TMEM238L: variants seen among roughly 807,000 people sequenced by gnomAD.
TMEM238L encodes transmembrane protein 238-like.
At chr17:10,796,856 G>A (rs1904563874) in intron 1 of TMEM238L, among the ~76,000 whole-genome samples, 1 of 152,180 alleles carries the variant, frequency 6.6e-6, no homozygotes, top group Non-Finnish European at 1.5e-5. Flanking sequence ...GGAAACATAC[G>A]TGACTAGGCC....
intron 1 of TMEM238L, among the ~76,000 whole-genome samples, chr17:10,802,240 C>A (rs749419097): frequency 2.7e-4 from 41 of 152,322 alleles, no homozygotes; most frequent in Admixed American, 1.0e-3. Context: ...CAAGGTACTT[C>A]ACATTTGGAC....
chr17:10,796,557 G>A (rs1904552796), intron 1 of TMEM238L, among the ~76,000 whole-genome samples: 1 of 152,128 alleles, frequency 6.6e-6, no homozygotes, highest in South Asian at 2.1e-4. Context: ...TCAGCCACCC[G>A]ATAAGTAGCA....
chr17:10,797,068 G>A (rs1200017882), intron 1 of TMEM238L, among the ~76,000 whole-genome samples: 1 of 152,106 alleles, frequency 6.6e-6, no homozygotes, highest in African/African-American at 2.4e-5. Context: ...TGGCCCATAG[G>A]TTGTAGTTGC....
intron 1 of TMEM238L, among the ~76,000 whole-genome samples, chr17:10,801,012 C>A (rs1348853644): frequency 2.6e-5 from 4 of 152,012 alleles, no homozygotes; most frequent in Admixed American, 2.0e-4. Flanking sequence ...ATGTTAAGCC[C>A]CTGCCTCTGC....
intron 1 of TMEM238L, among the ~76,000 whole-genome samples, chr17:10,799,142 T>C (rs1904652873): frequency 6.6e-6 from 1 of 152,200 alleles, no homozygotes; most frequent in African/African-American, 2.4e-5. Context: ...TGACCGAGCA[T>C]GGGACCTCCT....
chr17:10,801,060 T>G (rs1904727712), intron 1 of TMEM238L, among the ~76,000 whole-genome samples: 1 of 151,998 alleles, frequency 6.6e-6, no homozygotes. Flanking sequence ...ACTGTTTTTT[T>G]TTTTTTTTGA....
exon 1 of TMEM238L, chr17:10,803,641 A>G (rs1357816878): frequency 5.0e-6 from 2 of 397,918 alleles, no homozygotes; most frequent in Non-Finnish European, 8.8e-6. Context: ...GGAAGCTGCA[A>G]CGTGTTGCTG....
intron 1 of TMEM238L, among the ~76,000 whole-genome samples, chr17:10,801,053 GT>G (rs34698731): frequency 0.16 from 22,261 of 141,018 alleles, 1,473 homozygotes; most frequent in South Asian, 0.22. Context: ...CCTTTTTACT[GT>G]TTTTTTTTTT....
chr17:10,800,588 C>G (rs114497859), intron 1 of TMEM238L, among the ~76,000 whole-genome samples: 1 of 152,164 alleles, frequency 6.6e-6, no homozygotes, highest in Non-Finnish European at 1.5e-5. Context: ...CTACCTGCAT[C>G]GTGACTGACG....
chr17:10,802,352 C>T (rs1244320701), intron 1 of TMEM238L: 1 of 152,176 alleles, frequency 6.6e-6, no homozygotes, highest in Non-Finnish European at 1.5e-5. Context: ...TATCTCTTTT[C>T]GATCCTTGCA....
chr17:10,803,616 C>A (rs984095616), exon 1 of TMEM238L: 2 of 397,298 alleles, frequency 5.0e-6, no homozygotes, highest in African/African-American at 4.1e-5. Flanking sequence ...CTGGTCCCGG[C>A]GTGGCTTGCT....
chr17:10,803,233 G>A (rs1597579696), intron 1 of TMEM238L, among the ~76,000 whole-genome samples: 1 of 152,286 alleles, frequency 6.6e-6, no homozygotes, highest in Non-Finnish European at 1.5e-5. Flanking sequence ...CTGTGCTAAA[G>A]ACTTTTCTCC....
At chr17:10,801,148 T>G (rs1009734504) in intron 1 of TMEM238L, among the ~76,000 whole-genome samples, 16 of 152,056 alleles carry the variant, frequency 1.1e-4, no homozygotes, top group African/African-American at 3.9e-4. Flanking sequence ...CCTCCCGGGT[T>G]CACGCCATTC....
chr17:10,796,468 C>T (rs973150827), intron 1 of TMEM238L, among the ~76,000 whole-genome samples: 1 of 152,174 alleles, frequency 6.6e-6, no homozygotes, highest in Non-Finnish European at 1.5e-5. Flanking sequence ...ACGGTTATGC[C>T]AGCAGGTGAC....
chr17:10,801,941 G>A (rs963325445), intron 1 of TMEM238L, among the ~76,000 whole-genome samples: 4 of 152,080 alleles, frequency 2.6e-5, no homozygotes, highest in East Asian at 3.9e-4. Context: ...ATCACCATGC[G>A]TGGCTAATTT....
intron 1 of TMEM238L, among the ~76,000 whole-genome samples, chr17:10,802,221 G>T (rs1192856127): frequency 6.6e-6 from 1 of 152,148 alleles, no homozygotes; most frequent in Non-Finnish European, 1.5e-5. Flanking sequence ...CTACCAATTT[G>T]AGAGACACCA....
At chr17:10,803,375 G>T (rs1472798332) in intron 1 of TMEM238L, among the ~76,000 whole-genome samples, 1 of 152,220 alleles carries the variant, frequency 6.6e-6, no homozygotes, top group Non-Finnish European at 1.5e-5. Flanking sequence ...GGAAGGGGCT[G>T]TTGAGACTCT....
intron 1 of TMEM238L, among the ~76,000 whole-genome samples, chr17:10,803,029 T>C (rs879433775): frequency 1.3e-5 from 2 of 151,846 alleles, no homozygotes; most frequent in Non-Finnish European, 2.9e-5. Flanking sequence ...AGAGGAGGTG[T>C]GTGCACTGAG....
At chr17:10,803,712 C>T (rs925264256) in exon 1 of TMEM238L, 3 of 399,202 alleles carry the variant, frequency 7.5e-6, no homozygotes, top group African/African-American at 6.2e-5. Context: ...TTCTCCTCTT[C>T]CCATGGCCAA....
Sources: allele counts gnomAD v4.1 joint callset (sites outside exome capture counted in the v4.1 genomes callset), GRCh38; gene constraint gnomAD v4.1.1; transcripts MANE v1.5; gene names NCBI Gene and HGNC (gene_info 2026-07-23, HGNC 2026-07-21).